Variants in SCAND3 observed in about 807,000 individuals in gnomAD.
The protein encoded by SCAND3 is SCAN domain-containing protein 3.
the SCAND3 span, chr6:28,574,911 T>TA: frequency 6.2e-7 from 1 of 1,614,008 alleles, no homozygotes; most frequent in African/African-American, 1.3e-5. Context: ...ATAAAAATCT[T>TA]AGTCTGCTCT....
At chr6:28,585,283 C>G in the SCAND3 span, 1 of 152,192 alleles carries the variant, frequency 6.6e-6, no homozygotes, top group African/African-American at 2.4e-5. Context: ...ATGGCACTTG[C>G]AAAACCCTCT....
the SCAND3 span, among the ~76,000 whole-genome samples, chr6:28,602,874 T>G: frequency 6.6e-6 from 1 of 151,122 alleles, no homozygotes; most frequent in Non-Finnish European, 1.5e-5. Flanking sequence ...GACTGTTGAG[T>G]AAAAGAAAAT....
chr6:28,577,395 G>C, the SCAND3 span, among the ~76,000 whole-genome samples: 1 of 152,250 alleles, frequency 6.6e-6, no homozygotes, highest in African/African-American at 2.4e-5. Flanking sequence ...AGACAGAGCA[G>C]GGACCCCTCT....
At chr6:28,575,014 T>C in the SCAND3 span, 30 of 1,613,968 alleles carry the variant, frequency 1.9e-5, no homozygotes, top group South Asian at 1.3e-4. The surrounding 1 kb of genome is among the most constrained non-coding windows in gnomAD (Gnocchi z 4.2). Flanking sequence ...TTCTTCATAC[T>C]GGGCTCTTAA....
At chr6:28,572,216 C>A in the SCAND3 span, 1 of 1,613,898 alleles carries the variant, frequency 6.2e-7, no homozygotes, top group Non-Finnish European at 8.5e-7. This position sits in a 1 kb window ranked among gnomAD's most constrained non-coding sequence, Gnocchi z 4.1. Context: ...AACAACTTAT[C>A]CTGTAGAGTT....
the SCAND3 span, among the ~76,000 whole-genome samples, chr6:28,601,238 T>C: frequency 1.3e-5 from 2 of 152,244 alleles, no homozygotes; most frequent in South Asian, 4.1e-4. Context: ...TTCTTTTCTC[T>C]TAGACATATA....
At chr6:28,572,709 C>A in the SCAND3 span, 1 of 1,614,104 alleles carries the variant, frequency 6.2e-7, no homozygotes, top group Non-Finnish European at 8.5e-7. This position sits in a 1 kb window ranked among gnomAD's most constrained non-coding sequence, Gnocchi z 4.1. Context: ...GTGATAACCA[C>A]CGTATCTCAG....
At chr6:28,589,316 G>C in the SCAND3 span, 2 of 152,166 alleles carry the variant, frequency 1.3e-5, no homozygotes, top group African/African-American at 4.8e-5. Flanking sequence ...ATCGGAACTA[G>C]AAAGTTTATT....
chr6:28,611,921 C>T, the SCAND3 span, among the ~76,000 whole-genome samples: 2 of 152,292 alleles, frequency 1.3e-5, no homozygotes, highest in South Asian at 2.1e-4. Flanking sequence ...GGCCTAGAAT[C>T]GTTTCCCTTC....
the SCAND3 span, chr6:28,572,908 C>T: frequency 6.2e-7 from 1 of 1,613,880 alleles, no homozygotes; most frequent in Non-Finnish European, 8.5e-7. The surrounding 1 kb of genome is among the most constrained non-coding windows in gnomAD (Gnocchi z 4.1). Context: ...TGTTGTTTTA[C>T]ATTCTGGCGC....
the SCAND3 span, chr6:28,589,629 C>G: frequency 6.6e-6 from 1 of 152,150 alleles, no homozygotes; most frequent in African/African-American, 2.4e-5. Flanking sequence ...AGAACGCTTT[C>G]AAAGCGTATC....
the SCAND3 span, among the ~76,000 whole-genome samples, chr6:28,607,031 G>C: frequency 1.3e-5 from 2 of 152,224 alleles, no homozygotes; most frequent in Non-Finnish European, 2.9e-5. Flanking sequence ...TGCTTGTGCA[G>C]GACCCAGCCT....
chr6:28,599,189 A>G, the SCAND3 span, among the ~76,000 whole-genome samples: 2 of 152,242 alleles, frequency 1.3e-5, no homozygotes, highest in Non-Finnish European at 2.9e-5. Context: ...GAGATATTCC[A>G]TGTTCATGGA....
At chr6:28,591,590 T>C in the SCAND3 span, 32 of 152,228 alleles carry the variant, frequency 2.1e-4, no homozygotes, top group African/African-American at 7.7e-4. Flanking sequence ...ACCCTTGATA[T>C]CTAATCAAGT....
At chr6:28,611,793 A>G in the SCAND3 span, among the ~76,000 whole-genome samples, 1 of 152,238 alleles carries the variant, frequency 6.6e-6, no homozygotes, top group Non-Finnish European at 1.5e-5. Flanking sequence ...ACATCTAGAA[A>G]GACAAGATGT....
the SCAND3 span, chr6:28,571,267 T>C: frequency 6.6e-6 from 1 of 152,294 alleles, no homozygotes; most frequent in Non-Finnish European, 1.5e-5. Context: ...TGAGCAGAGA[T>C]TGCACCAATG....
the SCAND3 span, among the ~76,000 whole-genome samples, chr6:28,583,055 T>A: frequency 6.6e-6 from 1 of 151,764 alleles, no homozygotes; most frequent in Non-Finnish European, 1.5e-5. Context: ...TAGAAACAAG[T>A]GTGAGGAAAG....
chr6:28,588,358 G>T, the SCAND3 span, among the ~76,000 whole-genome samples: 247 of 152,290 alleles, frequency 1.6e-3, no homozygotes, highest in African/African-American at 5.3e-3. The surrounding 1 kb of genome is among the most constrained non-coding windows in gnomAD (Gnocchi z 4.1). Context: ...AGCACAGTAG[G>T]CAGTTAACAT....
the SCAND3 span, chr6:28,572,549 C>A: frequency 6.2e-7 from 1 of 1,614,002 alleles, no homozygotes; most frequent in Non-Finnish European, 8.5e-7. This position sits in a 1 kb window ranked among gnomAD's most constrained non-coding sequence, Gnocchi z 4.1. Context: ...GCATTAAGAT[C>A]ATTAAAAATA....
Sources: gnomAD v4.1 joint callset for allele counts (sites outside exome capture counted in the v4.1 genomes callset) on GRCh38, gnomAD v4.1.1 for gene constraint, Gnocchi (gnomAD v3.1) non-coding constraint, MANE v1.5 for transcripts, NCBI Gene and HGNC (gene_info 2026-07-23, HGNC 2026-07-21) for gene names.